CARMIL1: variants seen among roughly 807,000 people sequenced by gnomAD.
The protein encoded by CARMIL1 is capping protein regulator and myosin 1 linker 1.
A neutral mutation model predicts 177.1 loss-of-function variants in CARMIL1; 90 were observed. The observed-to-expected ratio is 0.51, with a 90% CI of 0.43 to 0.61. CARMIL1 has a LOEUF of 0.61. CARMIL1 is among the 20% of genes least tolerant of loss of function. CARMIL1 has a pLI of 0.00. For missense variants in CARMIL1, 1,380 were observed against 1,667.0 expected, an observed-to-expected ratio of 0.83 and a Z score of 3.00; for synonymous variants, 577 against 606.2, an observed-to-expected ratio of 0.95 and a Z score of 0.71.
At chr6:25,334,742 C>G (rs1385605464) in intron 2 of CARMIL1, among the ~76,000 whole-genome samples, 1 of 152,120 alleles carries the variant, frequency 6.6e-6, no homozygotes, top group Admixed American at 6.5e-5. Context: ...TAACAGCACC[C>G]TTCTGTGGCA....
intron 2 of CARMIL1, among the ~76,000 whole-genome samples, chr6:25,328,856 T>A (rs1421890440): frequency 6.6e-6 from 1 of 152,184 alleles, no homozygotes; most frequent in Non-Finnish European, 1.5e-5. Context: ...AAAAATCTCC[T>A]GGATTGGTGA....
intron 35 of CARMIL1, among the ~76,000 whole-genome samples, chr6:25,608,136 C>G (rs574313489): frequency 9.2e-4 from 140 of 152,218 alleles, no homozygotes; most frequent in African/African-American, 3.3e-3. Context: ...AGAAATAGTT[C>G]TTATAGAATG....
At chr6:25,357,524 C>T (rs2150380254) in intron 2 of CARMIL1, among the ~76,000 whole-genome samples, 1 of 152,258 alleles carries the variant, frequency 6.6e-6, no homozygotes, top group Middle Eastern at 3.4e-3. Context: ...GCAGAGGTTG[C>T]AGTGAACCAA....
At chr6:25,459,269 T>TCTC (rs56094712) in intron 8 of CARMIL1, among the ~76,000 whole-genome samples, 17 of 118,160 alleles carry the variant, frequency 1.4e-4, no homozygotes, top group African/African-American at 5.2e-4. Flanking sequence ...TTTCTTTCTT[T>TCTC]TTTTTTTTTT....
chr6:25,316,863 T>C (rs953622545), intron 2 of CARMIL1, among the ~76,000 whole-genome samples: 1 of 152,182 alleles, frequency 6.6e-6, no homozygotes, highest in African/African-American at 2.4e-5. Flanking sequence ...AAATCCTCAT[T>C]ATGCTGCCAC....
At chr6:25,361,344 C>G (rs1789169218) in intron 2 of CARMIL1, among the ~76,000 whole-genome samples, 1 of 152,034 alleles carries the variant, frequency 6.6e-6, no homozygotes, top group South Asian at 2.1e-4. Context: ...TTTTATCTTT[C>G]TCCTTCTACT....
At chr6:25,603,618 TGAGC>T (rs2151314729) in intron 33 of CARMIL1, among the ~76,000 whole-genome samples, 1 of 152,288 alleles carries the variant, frequency 6.6e-6, no homozygotes, top group African/African-American at 2.4e-5. Flanking sequence ...AAGCATGGGA[TGAGC>T]AGGAACCAGC....
At chr6:25,470,818 T>C (rs1032142408) in intron 9 of CARMIL1, among the ~76,000 whole-genome samples, 4 of 152,222 alleles carry the variant, frequency 2.6e-5, no homozygotes, top group African/African-American at 9.6e-5. Context: ...CCCACCATCA[T>C]GACCTAGTCA....
At chr6:25,398,834 G>A (rs1245068899) in intron 2 of CARMIL1, among the ~76,000 whole-genome samples, 1 of 152,164 alleles carries the variant, frequency 6.6e-6, no homozygotes, top group Non-Finnish European at 1.5e-5. Flanking sequence ...CACCTCATGG[G>A]GTGCTGCAGG....
intron 33 of CARMIL1, among the ~76,000 whole-genome samples, chr6:25,603,171 G>A (rs1224170872): frequency 6.6e-6 from 1 of 152,220 alleles, no homozygotes; most frequent in African/African-American, 2.4e-5. Context: ...CCATGCACTT[G>A]GAGGAACCTG....
intron 29 of CARMIL1, among the ~76,000 whole-genome samples, chr6:25,574,016 C>G (rs1400107851): frequency 6.6e-6 from 1 of 152,154 alleles, no homozygotes; most frequent in East Asian, 1.9e-4. Flanking sequence ...CAGAACAACT[C>G]CGAGTTACTT....
chr6:25,524,115 C>T (rs1806855032), intron 23 of CARMIL1, among the ~76,000 whole-genome samples: 1 of 152,108 alleles, frequency 6.6e-6, no homozygotes. Flanking sequence ...AGAGAAACTA[C>T]TTTAGTAGGA....
intron 17 of CARMIL1, among the ~76,000 whole-genome samples, chr6:25,503,269 A>G (rs1459381045): frequency 6.6e-6 from 1 of 152,212 alleles, no homozygotes; most frequent in Non-Finnish European, 1.5e-5. Flanking sequence ...CCCCACTTAT[A>G]ACCTGAATCA....
intron 16 of CARMIL1, among the ~76,000 whole-genome samples, chr6:25,495,530 C>T (rs900318671): frequency 8.0e-6 from 1 of 124,568 alleles, no homozygotes; most frequent in Non-Finnish European, 1.7e-5. Flanking sequence ...CAGGCATATT[C>T]GTTTGTTCGT....
intron 4 of CARMIL1, among the ~76,000 whole-genome samples, chr6:25,429,769 A>G (rs1418580064): frequency 6.9e-6 from 1 of 145,304 alleles, no homozygotes; most frequent in Non-Finnish European, 1.5e-5. Context: ...TAAAATGATT[A>G]GTTATATTGA....
intron 31 of CARMIL1, among the ~76,000 whole-genome samples, chr6:25,584,045 T>C (rs1813400286): frequency 6.8e-6 from 1 of 146,608 alleles, no homozygotes; most frequent in African/African-American, 2.6e-5. Context: ...TTTTTTTTTT[T>C]GAGACAGGTT....
At chr6:25,618,229 G>T (rs976978060) in intron 36 of CARMIL1, among the ~76,000 whole-genome samples, 4 of 151,454 alleles carry the variant, frequency 2.6e-5, no homozygotes, top group Non-Finnish European at 5.9e-5. Context: ...ACTCTTCAGT[G>T]AGTTCAACAT....
chr6:25,612,355 T>G (rs1202196635), intron 36 of CARMIL1: 2 of 152,254 alleles, frequency 1.3e-5, no homozygotes, highest in Non-Finnish European at 2.9e-5. Flanking sequence ...ATTTCCCTGT[T>G]CTTTGCCTCC....
At chr6:25,593,566 A>G (rs979302280) in intron 31 of CARMIL1, among the ~76,000 whole-genome samples, 2 of 152,200 alleles carry the variant, frequency 1.3e-5, no homozygotes, top group African/African-American at 4.8e-5. Flanking sequence ...CTCACCTAAC[A>G]AAAAATCCAG....
Sources: allele counts gnomAD v4.1 joint callset (sites outside exome capture counted in the v4.1 genomes callset), GRCh38; gene constraint gnomAD v4.1.1; transcripts MANE v1.5; gene names NCBI Gene and HGNC (gene_info 2026-07-23, HGNC 2026-07-21).